The following PSMB7 variants were observed in gnomAD, a reference collection of about 807,000 sequenced individuals.
The protein encoded by PSMB7 is proteasome subunit beta type-7.
In PSMB7, 5 loss-of-function variants were observed where a neutral mutation model predicts 28.1. That is an observed-to-expected ratio of 0.18 (90% CI 0.09 to 0.37). The LOEUF (loss-of-function observed/expected upper bound fraction) is 0.37, where lower values mean the gene tolerates loss of function less well. Among genes scored for constraint, PSMB7 ranks in the 10% least tolerant of loss-of-function variants. PSMB7 has a pLI of 1.00. For synonymous variants in PSMB7, 122 were observed against 123.7 expected (o/e 0.99, Z 0.09); for missense variants, 275 against 346.2 (o/e 0.79, Z 1.63).
chr9:124,357,702 C>T (rs1830424552), intron 6 of PSMB7, among the ~76,000 whole-genome samples: 1 of 152,210 alleles, frequency 6.6e-6, no homozygotes, highest in Non-Finnish European at 1.5e-5. Context: ...CCATCACATG[C>T]TATGTCCTAT....
In PSMB7 at chr9:124,353,719, GAAAAACAA is replaced by G; in HGVS notation, c.723-18_723-11del. 6.3e-7 allele frequency: 1 copy of G among 1,590,522 alleles called. No homozygotes were observed. Among genetic ancestry groups the G allele is most frequent in the Non-Finnish European group, 8.6e-7 (1 of 1,158,604 alleles). ...CCTGTACCGGCCAAGCCTAGTAAGA[GAAAAACAA>G]AAGCACAGAGTTAGGATTCTCCTCA... On this transcript the variant is annotated splice_polypyrimidine_tract_variant and intron_variant, in intron 7 of 7. Coordinates refer to ENST00000259457, the MANE Select transcript of PSMB7 (RefSeq NM_002799.4).
intron 4 of PSMB7, 143 bp from the exon 5 acceptor site, chr9:124,405,575 CA>C: frequency 1.7e-6 from 1 of 593,194 alleles, no homozygotes; most frequent in Non-Finnish European, 3.0e-6. Context: ...TTGATGGGAA[CA>C]AAAAAGGGAA....
Position 124,353,701 on chromosome 9 carries a change from C to G in PSMB7, c.731G>C (p.Arg244Pro), listed in dbSNP as rs751993608. ...VPNKKGTRLG[R>P]YRCEKGTTAV... ...AGTAGTCCCTTTCTCACACCTGTAC[C>G]GGCCAAGCCTAGTAAGAGAAAAACA... is the stretch of plus-strand genomic sequence containing the variant. The change falls in exon 8 of 8, where the codon CGG (arginine) becomes CCG (proline). Residue 244 changes from arginine to proline, a missense_variant. Arg to Pro is a moderately radical substitution (Grantham distance 103). This residue lies in a region of PSMB7 where 213 missense variants were observed against 302.4 expected (regional missense o/e 0.70). Transcript: ENST00000259457. 6.2e-7 allele frequency: 1 copy of G among 1,611,646 alleles called. No individual in the cohort carries two copies. Among genetic ancestry groups the G allele is most frequent in the Admixed American group, 1.7e-5 (1 of 59,988 alleles).
chr9:124,361,210 A>G (rs1343052918), intron 6 of PSMB7, among the ~76,000 whole-genome samples: 1 of 152,248 alleles, frequency 6.6e-6, no homozygotes, highest in Non-Finnish European at 1.5e-5. Context: ...TGAGATTACA[A>G]TAAGAGTGAT....
chr9:124,401,523 T>A lies in PSMB7; in HGVS notation c.511+3794A>T, dbSNP rs994992353. Among the ~76,000 whole-genome samples the A allele has an allele frequency of 1.8e-4, 28 of 152,346 alleles. 4 individuals are homozygous for A. The highest frequency in any genetic ancestry group is 1.0e-3 in the Admixed American group (16 of 15,306). Reference sequence around the variant, plus strand: ...ACAAATGAATGAAGAGATCCAATCCTCCTTCTAAGACTCGGCTCAAGTGAA... The same window carrying A: ...ACAAATGAATGAAGAGATCCAATCCACCTTCTAAGACTCGGCTCAAGTGAA... On this transcript the variant is annotated intron_variant, in intron 5 of 7. Coordinates refer to ENST00000259457, the MANE Select transcript of PSMB7 (RefSeq NM_002799.4).
chr9:124,392,399 C>T (rs1242665817), intron 5 of PSMB7, among the ~76,000 whole-genome samples: 1 of 152,180 alleles, frequency 6.6e-6, no homozygotes, highest in Non-Finnish European at 1.5e-5. Flanking sequence ...GCCAAAGTTG[C>T]TCCAGGAGGC....
intron 6 of PSMB7, among the ~76,000 whole-genome samples, chr9:124,367,560 T>C (rs1484937891): frequency 1.3e-5 from 2 of 151,966 alleles, no homozygotes; most frequent in Non-Finnish European, 2.9e-5. Flanking sequence ...AGTCACTATA[T>C]TGACTGTGGT....
Position 124,395,891 on chromosome 9 carries a change from G to C in PSMB7, c.511+9426C>G, listed in dbSNP as rs372014150. Among the ~76,000 whole-genome samples the C allele has an allele frequency of 3.3e-4, 51 of 152,292 alleles. 1 individual carries two copies. In the South Asian group the frequency reaches 0.01, roughly 31 times the overall value. On this transcript the variant is annotated intron_variant, in intron 5 of 7. Coordinates refer to ENST00000259457, the MANE Select transcript of PSMB7 (RefSeq NM_002799.4). ...GGCTGTGTGGACAAAGCTCCTGCTG[G>C]AATAGGGTCTCCTACACCAGCACAG...
At position 124,415,433 on chromosome 9, in the gene PSMB7, A is replaced by G. The variant is rs749393188; in HGVS notation, c.-8T>C. ...CACCGACACAGCCGCCATCTTCCCA[A>G]GAAAGCAGTTCCGGGTCGGAGGCGG... On this transcript the variant is annotated 5_prime_UTR_variant, in exon 1 of 8. Coordinates refer to ENST00000259457, the MANE Select transcript of PSMB7 (RefSeq NM_002799.4). 1 of 1,614,066 alleles carries G rather than the reference A, an allele frequency of 6.2e-7. No individual in the cohort carries two copies. Among genetic ancestry groups the G allele is most frequent in the East Asian group, 2.2e-5 (1 of 44,882 alleles).
chr9:124,389,405 TCC>T (rs1830761474), intron 5 of PSMB7, among the ~76,000 whole-genome samples: 1 of 152,120 alleles, frequency 6.6e-6, no homozygotes, highest in Admixed American at 6.5e-5. Flanking sequence ...CAGTACTGCT[TCC>T]AGAACAAAGC....
intron 5 of PSMB7, among the ~76,000 whole-genome samples, chr9:124,390,797 A>C (rs1830775575): frequency 6.6e-6 from 1 of 152,216 alleles, no homozygotes; most frequent in South Asian, 2.1e-4. Flanking sequence ...TGGAAAAAAC[A>C]AGCAAAAGAC....
At chr9:124,402,147 A>C (rs1830916801) in intron 5 of PSMB7, among the ~76,000 whole-genome samples, 1 of 152,200 alleles carries the variant, frequency 6.6e-6, no homozygotes, top group Non-Finnish European at 1.5e-5. Flanking sequence ...AGGGCAGCAA[A>C]ACCAGTCTGT....
intron 5 of PSMB7, among the ~76,000 whole-genome samples, chr9:124,388,203 C>A (rs1830745392): frequency 6.6e-6 from 1 of 152,194 alleles, no homozygotes; most frequent in South Asian, 2.1e-4. Flanking sequence ...ATTCCAAAAG[C>A]AGAGACATCT....
chr9:124,375,230 C>T (rs1830597871), intron 6 of PSMB7, among the ~76,000 whole-genome samples: 1 of 152,162 alleles, frequency 6.6e-6, no homozygotes, highest in Non-Finnish European at 1.5e-5. Flanking sequence ...AATGGCACAA[C>T]TCACTGCAGC....
intron 5 of PSMB7, among the ~76,000 whole-genome samples, chr9:124,387,726 T>C (rs548044310): frequency 3.4e-4 from 52 of 152,278 alleles, no homozygotes; most frequent in African/African-American, 1.2e-3. Context: ...TGTTTGGAGA[T>C]AGAAAACCTG....
At position 124,413,953 on chromosome 9, in the gene PSMB7, G is replaced by C. The variant is rs1376699431; in HGVS notation, c.209C>G (p.Ala70Gly). The part of the protein sequence containing the change: ...DTRATEGMVV[A>G]DKNCSKIHFI... ...GTGTATTTTTGAACAGTTCTTGTCA[G>C]CAACAACCATCCCTTCAGTTGCTCT... Residue 70 changes from alanine (A) to glycine (G), a missense_variant, in exon 3 of 8, where the codon GCT (alanine) becomes GGT (glycine). Physicochemically the swap from Ala to Gly is moderately conservative, Grantham distance 60 (BLOSUM62 0). Transcript: ENST00000259457. The C allele has an allele frequency of 6.2e-7, 1 of 1,612,924 alleles. No homozygotes were observed. Among genetic ancestry groups the C allele is most frequent in the African/African-American group, 1.3e-5 (1 of 74,868 alleles).
At chr9:124,409,219 CACCAA>C (rs1401780863) in intron 4 of PSMB7, among the ~76,000 whole-genome samples, 3 of 152,192 alleles carry the variant, frequency 2.0e-5, no homozygotes, top group Admixed American at 6.5e-5. Context: ...GAATAACATA[CACCAA>C]ACCAAGAGTG....
intron 4 of PSMB7, among the ~76,000 whole-genome samples, chr9:124,408,950 G>A (rs936752001): frequency 1.3e-5 from 2 of 152,170 alleles, no homozygotes; most frequent in Non-Finnish European, 1.5e-5. Context: ...AAGATGCACT[G>A]TTAGGTGAGA....
At chr9:124,406,613 C>T (rs1197322037) in intron 4 of PSMB7, among the ~76,000 whole-genome samples, 1 of 150,450 alleles carries the variant, frequency 6.6e-6, no homozygotes, top group Non-Finnish European at 1.5e-5. Flanking sequence ...CATATATGAA[C>T]TCGTATCAAA....
Sources: gnomAD v4.1 joint callset for allele counts (sites outside exome capture counted in the v4.1 genomes callset) on GRCh38, gnomAD v4.1.1 for gene constraint, gnomAD v4.1.1 regional missense constraint, MANE v1.5 for transcripts, NCBI Gene and HGNC (gene_info 2026-07-23, HGNC 2026-07-21) for gene names.